SLC25A31: variants seen among roughly 807,000 people sequenced by gnomAD.
SLC25A31 encodes solute carrier family 25 member 31.
SLC25A31 carries 40 observed loss-of-function variants against 36.2 expected under a neutral mutation model. The observed-to-expected ratio is 1.10, with a 90% CI of 0.86 to 1.44. The LOEUF is 1.44. SLC25A31 is among the 40% of genes most tolerant of loss of function. The pLI is 0.00. For missense variants in SLC25A31, 350 were observed against 397.1 expected (o/e 0.88, Z 1.01); for synonymous variants, 143 against 149.7 (o/e 0.96, Z 0.32).
At chr4:127,767,945 G>A (rs1162325185) in intron 4 of SLC25A31, among the ~76,000 whole-genome samples, 3 of 151,668 alleles carry the variant, frequency 2.0e-5, no homozygotes, top group Non-Finnish European at 4.4e-5. Flanking sequence ...GATAATTGTA[G>A]TTGTTTAAAA....
At chr4:127,762,486 T>C (rs188778055) in intron 2 of SLC25A31, among the ~76,000 whole-genome samples, 1 of 152,250 alleles carries the variant, frequency 6.6e-6, no homozygotes. Context: ...GTGATGAAAA[T>C]ATTCTAAGCT....
intron 2 of SLC25A31, among the ~76,000 whole-genome samples, chr4:127,754,522 C>A (rs1731994201): frequency 7.8e-6 from 1 of 128,430 alleles, no homozygotes; most frequent in African/African-American, 2.9e-5. Context: ...ATAAGAATAA[C>A]ATTTACAATA....
intron 2 of SLC25A31, among the ~76,000 whole-genome samples, chr4:127,761,247 T>C (rs898499036): frequency 1.4e-4 from 22 of 152,166 alleles, no homozygotes; most frequent in African/African-American, 4.8e-4. Flanking sequence ...GTGTCCTGGT[T>C]TGAATGATAA....
chr4:127,772,455 C>T (rs985568323), intron 5 of SLC25A31, among the ~76,000 whole-genome samples: 1 of 152,100 alleles, frequency 6.6e-6, no homozygotes, highest in Admixed American at 6.5e-5. Flanking sequence ...TTTCCTCAAA[C>T]AATATTTCCA....
At chr4:127,736,176 C>T (rs1353904806) in intron 1 of SLC25A31, among the ~76,000 whole-genome samples, 3 of 152,168 alleles carry the variant, frequency 2.0e-5, no homozygotes, top group East Asian at 1.9e-4. Context: ...GGCGTGAATG[C>T]CTAACATTCT....
chr4:127,758,955 C>G (rs1362916403), intron 2 of SLC25A31, among the ~76,000 whole-genome samples: 2 of 152,066 alleles, frequency 1.3e-5, no homozygotes, highest in Non-Finnish European at 2.9e-5. Flanking sequence ...GCAATTCAGT[C>G]TCTCTTTTTG....
chr4:127,736,926 C>T (rs1419469273), intron 1 of SLC25A31, among the ~76,000 whole-genome samples: 1 of 152,178 alleles, frequency 6.6e-6, no homozygotes, highest in Non-Finnish European at 1.5e-5. Context: ...TCCAAGGGAA[C>T]TGGAACCTAT....
intron 1 of SLC25A31, among the ~76,000 whole-genome samples, chr4:127,736,714 T>TA (rs1408110862): frequency 2.0e-5 from 3 of 152,112 alleles, no homozygotes; most frequent in African/African-American, 7.2e-5. Flanking sequence ...ACCTATCTGA[T>TA]ACGGTAGTTG....
At chr4:127,737,552 ACTC>A (rs977498089) in intron 1 of SLC25A31, among the ~76,000 whole-genome samples, 1 of 147,106 alleles carries the variant, frequency 6.8e-6, no homozygotes. Context: ...CCTTTGTACT[ACTC>A]TTTTTTTTTT....
intron 1 of SLC25A31, among the ~76,000 whole-genome samples, chr4:127,732,343 C>G (rs1439919659): frequency 6.6e-6 from 1 of 152,154 alleles, no homozygotes; most frequent in Non-Finnish European, 1.5e-5. Context: ...GGGGTAGAAA[C>G]TTAATGCATC....
intron 5 of SLC25A31, among the ~76,000 whole-genome samples, chr4:127,770,655 C>G (rs149429724): frequency 2.2e-4 from 33 of 151,326 alleles, no homozygotes; most frequent in African/African-American, 7.6e-4. Context: ...AATATGCACT[C>G]GAGTGTTTAA....
At chr4:127,736,915 A>C (rs72681834) in intron 1 of SLC25A31, among the ~76,000 whole-genome samples, 2 of 152,238 alleles carry the variant, frequency 1.3e-5, no homozygotes, top group African/African-American at 4.8e-5. Flanking sequence ...TTTGTAATCT[A>C]TCCAAGGGAA....
At chr4:127,756,868 G>A (rs920711285) in intron 2 of SLC25A31, among the ~76,000 whole-genome samples, 1 of 152,182 alleles carries the variant, frequency 6.6e-6, no homozygotes, top group Non-Finnish European at 1.5e-5. Flanking sequence ...CTGGTGGAAT[G>A]TGAAATGGCA....
intron 2 of SLC25A31, among the ~76,000 whole-genome samples, chr4:127,754,358 G>A (rs1408981244): frequency 2.0e-5 from 3 of 152,022 alleles, no homozygotes; most frequent in African/African-American, 7.2e-5. Context: ...TGTCTCTGTT[G>A]TCAGGTAGCA....
In SLC25A31 at chr4:127,733,967, T is replaced by G. The variant is rs73847053; in HGVS notation, c.232+3190T>G. ...CACTTTTTATAAGCTTTTCTTGGCTTATGAAAGCTTCTGGATTTATCCTTA... is the reference window on the plus strand; with the variant it reads ...CACTTTTTATAAGCTTTTCTTGGCTGATGAAAGCTTCTGGATTTATCCTTA... On this transcript the variant is annotated intron_variant, in intron 1 of 5. Transcript: ENST00000281154. 9.9e-3 allele frequency among the ~76,000 whole-genome samples: 1,505 copies of G among 152,366 alleles called. 25 individuals are homozygous for G. The highest frequency in any genetic ancestry group is 0.033 in the African/African-American group (1,373 of 41,588).
At chr4:127,749,591 A>G (rs1175435273) in intron 2 of SLC25A31, among the ~76,000 whole-genome samples, 1 of 151,922 alleles carries the variant, frequency 6.6e-6, no homozygotes, top group Non-Finnish European at 1.5e-5. Context: ...TAAAAATACA[A>G]AAATTAGCTG....
intron 1 of SLC25A31, among the ~76,000 whole-genome samples, chr4:127,734,676 C>G (rs1731591046): frequency 6.6e-6 from 1 of 151,600 alleles, no homozygotes; most frequent in African/African-American, 2.4e-5. Flanking sequence ...TAAGCTTTTC[C>G]CAAACCCATT....
intron 5 of SLC25A31, among the ~76,000 whole-genome samples, chr4:127,771,892 A>G (rs1732370864): frequency 6.6e-6 from 1 of 152,206 alleles, no homozygotes; most frequent in Non-Finnish European, 1.5e-5. Flanking sequence ...GTGTTAAATT[A>G]ATCTGTTTTC....
At chr4:127,752,126 T>G (rs1731945497) in intron 2 of SLC25A31, among the ~76,000 whole-genome samples, 1 of 152,184 alleles carries the variant, frequency 6.6e-6, no homozygotes, top group African/African-American at 2.4e-5. Flanking sequence ...ATACGTATGT[T>G]TATTGCGGCA....
Sources: allele counts gnomAD v4.1 joint callset (sites outside exome capture counted in the v4.1 genomes callset), GRCh38; gene constraint gnomAD v4.1.1; transcripts MANE v1.5; gene names NCBI Gene and HGNC (gene_info 2026-07-23, HGNC 2026-07-21).